The following FRAS1 variants were observed in gnomAD, a reference collection of about 807,000 sequenced individuals.
FRAS1 encodes Fraser extracellular matrix complex subunit 1.
In FRAS1, 290 loss-of-function variants were observed where a neutral mutation model predicts 435.2. The ratio of observed to expected loss-of-function variants is 0.67; its 90% CI spans 0.61 to 0.73. FRAS1 has a LOEUF of 0.73. FRAS1 is among the 30% of genes least tolerant of loss of function. The probability of loss-of-function intolerance (pLI) is 0.00; values close to 1 mark genes in which losing one functional copy is unlikely to be tolerated. For synonymous variants in FRAS1, 1,800 were observed against 1,851.0 expected (o/e 0.97, Z 0.71); for missense variants, 4,860 against 5,001.5 (o/e 0.97, Z 0.85).
intron 19 of FRAS1, among the ~76,000 whole-genome samples, chr4:78,335,747 CT>C (rs1373982787): frequency 7.2e-5 from 11 of 152,166 alleles, no homozygotes; most frequent in Non-Finnish European, 1.0e-4. Context: ...TATTTATTTC[CT>C]TCTTTAACAT....
At chr4:78,381,047 C>T (rs1731993985) in intron 27 of FRAS1, among the ~76,000 whole-genome samples, 1 of 152,152 alleles carries the variant, frequency 6.6e-6, no homozygotes, top group Non-Finnish European at 1.5e-5. Context: ...TATAGGTTAT[C>T]TTGCCCAAGA....
intron 14 of FRAS1, among the ~76,000 whole-genome samples, chr4:78,298,003 C>CCTCTCTCTCTCTCT (rs765903880): frequency 1.7e-5 from 2 of 119,270 alleles, no homozygotes; most frequent in African/African-American, 6.7e-5. Context: ...TTAATTTGTT[C>CCTCTCTCTCTCTCT]CTCTCTCTCT....
At chr4:78,118,858 T>G (rs559084366) in intron 2 of FRAS1, among the ~76,000 whole-genome samples, 2 of 152,184 alleles carry the variant, frequency 1.3e-5, no homozygotes, top group Non-Finnish European at 2.9e-5. Context: ...CCCAGTGAGA[T>G]GCACCCAGTA....
intron 22 of FRAS1, among the ~76,000 whole-genome samples, chr4:78,366,461 C>T (rs180712739): frequency 5.9e-5 from 9 of 152,326 alleles, no homozygotes; most frequent in African/African-American, 1.9e-4. Context: ...GAATAAGCTT[C>T]CTCCTTCATT....
intron 72 of FRAS1, among the ~76,000 whole-genome samples, chr4:78,537,560 A>T (rs1721923930): frequency 6.6e-6 from 1 of 152,214 alleles, no homozygotes. Flanking sequence ...TCATGAGTTT[A>T]GAGAGTTTAA....
chr4:78,440,091 C>T (rs1329635501), intron 40 of FRAS1, among the ~76,000 whole-genome samples: 8 of 140,528 alleles, frequency 5.7e-5, no homozygotes, highest in East Asian at 4.2e-4. Context: ...ACTGCAGTGG[C>T]GCAATCTCGG....
At position 78,507,550 on chromosome 4, in the gene FRAS1, C is replaced by A; in HGVS notation, c.9446C>A (p.Thr3149Lys). The change falls in exon 62 of 74, where the codon ACG (threonine) becomes AAG (lysine). Residue 3149 changes from threonine to lysine, a missense_variant. Transcript: ENST00000512123. ...GTTCTTGGGGATGTGACTACTGCCA[C>A]GGTGACAATTCTAGACCAGGAGGCA... ...EAVLGDVTTA[T>K]VTILDQEAAG... is the part of the protein sequence containing the mutation. 1 of 1,611,236 alleles carries A rather than the reference C, an allele frequency of 6.2e-7. No homozygotes were observed. Among genetic ancestry groups the A allele is most frequent in the Non-Finnish European group, 8.5e-7 (1 of 1,178,862 alleles).
chr4:78,129,934 CT>C (rs949490715), intron 2 of FRAS1, among the ~76,000 whole-genome samples: 2 of 152,154 alleles, frequency 1.3e-5, no homozygotes, highest in Admixed American at 6.5e-5. Context: ...GTTGCTGCCC[CT>C]GGCCCCAATT....
intron 2 of FRAS1, among the ~76,000 whole-genome samples, chr4:78,090,625 G>A (rs1238532586): frequency 3.3e-5 from 5 of 152,092 alleles, no homozygotes; most frequent in East Asian, 1.9e-4. Context: ...ATCTGTGCTC[G>A]AGATCACTGA....
intron 2 of FRAS1, among the ~76,000 whole-genome samples, chr4:78,091,733 CT>C (rs1402888644): frequency 6.6e-6 from 1 of 151,682 alleles, no homozygotes; most frequent in Non-Finnish European, 1.5e-5. Context: ...TCATAGTGCC[CT>C]ACAGCCCGGA....
intron 19 of FRAS1, among the ~76,000 whole-genome samples, chr4:78,336,241 T>C (rs1364540785): frequency 6.6e-6 from 1 of 152,204 alleles, no homozygotes; most frequent in East Asian, 1.9e-4. Flanking sequence ...GGTGAGTTGC[T>C]TTACTTTAAA....
intron 70 of FRAS1, among the ~76,000 whole-genome samples, chr4:78,526,969 C>T (rs1721554372): frequency 6.6e-6 from 1 of 152,074 alleles, no homozygotes; most frequent in South Asian, 2.1e-4. Context: ...TAGAATGGCT[C>T]CCAAGTATAA....
intron 2 of FRAS1, among the ~76,000 whole-genome samples, chr4:78,168,994 A>C (rs1721445666): frequency 6.6e-6 from 1 of 152,138 alleles, no homozygotes; most frequent in Admixed American, 6.5e-5. Flanking sequence ...GGAAGTCTTC[A>C]CTGGGAAATT....
chr4:78,432,392 G>T lies in FRAS1; in HGVS notation c.5005G>T (p.Ala1669Ser). The stretch of plus-strand genomic sequence containing the variant: ...CACCTATGAGGATGTTGAGAAAAAT[G>T]CTCTACAGTATATACATGATGGTTC... Reference protein sequence around the residue: ...TFTYEDVEKNALQYIHDGSST... With the variant: ...TFTYEDVEKNSLQYIHDGSST... Residue 1669 changes from alanine (A) to serine (S), a missense_variant, in exon 38 of 74, where the codon GCT (alanine) becomes TCT (serine). Ala to Ser is a moderately conservative substitution (Grantham distance 99). Transcript: ENST00000512123. The T allele has an allele frequency of 6.2e-7, 1 of 1,606,754 alleles. No individual in the cohort carries two copies. The highest frequency in any genetic ancestry group is 8.5e-7 in the Non-Finnish European group (1 of 1,176,198).
chr4:78,499,610 T>C (rs1161356377), intron 60 of FRAS1, 111 bp from the exon 61 acceptor site: 3 of 1,010,700 alleles, frequency 3.0e-6, no homozygotes, highest in Non-Finnish European at 4.4e-6. Context: ...GCCTTCATAC[T>C]GTTAACTAAT....
At chr4:78,483,216 A>T (rs1720064903) in intron 58 of FRAS1, among the ~76,000 whole-genome samples, 1 of 152,166 alleles carries the variant, frequency 6.6e-6, no homozygotes, top group Admixed American at 6.6e-5. Flanking sequence ...CAGAGGAGTG[A>T]TGTGCTTTTT....
intron 2 of FRAS1, among the ~76,000 whole-genome samples, chr4:78,166,978 A>G (rs1019647927): frequency 6.6e-5 from 10 of 151,974 alleles, no homozygotes; most frequent in Non-Finnish European, 5.9e-5. Context: ...CTGGAGCACA[A>G]CTCCTCTTTC....
chr4:78,178,972 G>C lies in FRAS1; in HGVS notation c.109-58538G>C, dbSNP rs116424700. On this transcript the variant is annotated intron_variant, in intron 2 of 73. Coordinates refer to ENST00000512123, the MANE Select transcript of FRAS1 (RefSeq NM_025074.7). Reference sequence around the variant, plus strand: ...GCACAGATGTTCGAGGGGAGCGAAGGGCAGCCATGACTATACATTCCTCTT... The same window carrying C: ...GCACAGATGTTCGAGGGGAGCGAAGCGCAGCCATGACTATACATTCCTCTT... 4.7e-3 allele frequency among the ~76,000 whole-genome samples: 719 copies of C among 152,232 alleles called. 6 individuals are homozygous for C. Among genetic ancestry groups the C allele is most frequent in the African/African-American group, 0.017 (697 of 41,532 alleles).
intron 2 of FRAS1, among the ~76,000 whole-genome samples, chr4:78,172,949 C>T (rs921867469): frequency 3.3e-5 from 5 of 151,520 alleles, no homozygotes; most frequent in Non-Finnish European, 4.4e-5. Flanking sequence ...AGTGCCCTTG[C>T]GGTCTCTGTG....
Sources: allele counts gnomAD v4.1 joint callset (sites outside exome capture counted in the v4.1 genomes callset), GRCh38; gene constraint gnomAD v4.1.1; transcripts MANE v1.5; gene names NCBI Gene and HGNC (gene_info 2026-07-23, HGNC 2026-07-21).